The following ADAT1 variants were observed in gnomAD, a reference collection of about 807,000 sequenced individuals.
The protein encoded by ADAT1 is adenosine deaminase tRNA specific 1.
ADAT1 carries 58 observed loss-of-function variants against 58.6 expected under a neutral mutation model. The observed-to-expected ratio is 0.99, with a 90% CI of 0.80 to 1.23. ADAT1 has a LOEUF of 1.23. Among genes scored for constraint, ADAT1 ranks in the 50% most tolerant of loss-of-function variants. The pLI is 0.00. For missense variants in ADAT1, 741 were observed against 608.6 expected, an observed-to-expected ratio of 1.22 and a Z score of -2.29; for synonymous variants, 254 against 220.8, an observed-to-expected ratio of 1.15 and a Z score of -1.33.
intron 3 of ADAT1, chr16:75,619,515 CCTGT>C (rs1317770578): frequency 2.3e-6 from 1 of 426,742 alleles, no homozygotes. Flanking sequence ...TCAGTGAGAC[CCTGT>C]CTCTTAAAAA....
chr16:75,614,710 G>C (rs2081648795), intron 5 of ADAT1, among the ~76,000 whole-genome samples: 1 of 152,122 alleles, frequency 6.6e-6, no homozygotes, highest in Non-Finnish European at 1.5e-5. Flanking sequence ...ACTCATAAGA[G>C]CCTGAAGTAG....
intron 6 of ADAT1, among the ~76,000 whole-genome samples, chr16:75,611,493 C>T (rs80302582): frequency 0.025 from 3,876 of 152,070 alleles, 78 homozygotes; most frequent in Non-Finnish European, 0.037. Context: ...GTCAGGTGAT[C>T]CTCCTGCCTC....
chr16:75,606,149 T>A (rs1298930115), intron 8 of ADAT1, among the ~76,000 whole-genome samples: 3 of 151,728 alleles, frequency 2.0e-5, no homozygotes, highest in Non-Finnish European at 4.4e-5. Flanking sequence ...ATTATAGGAG[T>A]ACAATTATTA....
chr16:75,612,281 T>A lies in ADAT1; in HGVS notation c.1005A>T (p.Pro335=). ...CTCTCTGCATGGCTTCCTGGCTGTA[T>A]GGGCACTTCCCAATGACCACAGCTG... ...YLSAVVIGKC[P]YSQEAMQRAL... Residue 335 remains proline (P), a synonymous_variant, in exon 6 of 10, where the codon CCA becomes CCT. Transcript: ENST00000564657. 6.2e-7 allele frequency: 1 copy of A among 1,614,170 alleles called. No individual in the cohort carries two copies. The highest frequency in any genetic ancestry group is 8.5e-7 in the Non-Finnish European group (1 of 1,180,030).
intron 9 of ADAT1, among the ~76,000 whole-genome samples, chr16:75,601,447 AAAACAAAC>A (rs994301349): frequency 6.6e-6 from 1 of 152,000 alleles, no homozygotes; most frequent in African/African-American, 2.4e-5. Flanking sequence ...CCCTGTCTCA[AAAACAAAC>A]AAACAAACAA....
At chr16:75,616,742 G>A (rs2081738995) in intron 5 of ADAT1, among the ~76,000 whole-genome samples, 1 of 152,224 alleles carries the variant, frequency 6.6e-6, no homozygotes, top group South Asian at 2.1e-4. Context: ...TACTCAGTAT[G>A]TCATATCGTG....
At chr16:75,614,101 A>G (rs1285612067) in intron 5 of ADAT1, among the ~76,000 whole-genome samples, 1 of 152,126 alleles carries the variant, frequency 6.6e-6, no homozygotes, top group Non-Finnish European at 1.5e-5. Context: ...AAGGCAGAAC[A>G]ATCGCTTGAA....
intron 1 of ADAT1, among the ~76,000 whole-genome samples, chr16:75,621,570 A>T (rs2151789575): frequency 6.6e-6 from 1 of 152,314 alleles, no homozygotes; most frequent in African/African-American, 2.4e-5. Context: ...TAAATAAGTA[A>T]TACTTATAAA....
At chr16:75,609,055 G>A (rs773481802) in intron 6 of ADAT1, 67 bp from the exon 7 acceptor site, 4 of 1,579,580 alleles carry the variant, frequency 2.5e-6, no homozygotes, top group Non-Finnish European at 3.5e-6. Flanking sequence ...TAGGATTGTG[G>A]CTCACATCAT....
In ADAT1 at chr16:75,608,327, T is replaced by C. The variant is rs376026634; in HGVS notation, c.1190-4A>G. 8.1e-6 allele frequency: 13 copies of C among 1,612,344 alleles called. No homozygotes were observed. In the African/African-American group the frequency reaches 1.5e-4, roughly 18 times the overall value. ...GGAACTGCACTCCAGCTGATGGCTA[T>C]GAAAAGATAAGATTCTAGGGTTAAA... is the stretch of plus-strand genomic sequence containing the variant. On this transcript the variant is annotated splice_region_variant and splice_polypyrimidine_tract_variant and intron_variant, in intron 7 of 9. Coordinates refer to ENST00000564657, the MANE Select transcript of ADAT1 (RefSeq NM_001324445.2).
In ADAT1 at chr16:75,612,373, G is replaced by A. The variant is rs1223078140; in HGVS notation, c.913C>T (p.Arg305Ter). The change falls in exon 6 of 10, where the codon CGA becomes TGA. Residue 305 changes from arginine to a stop codon, truncating the protein, a stop_gained. Transcript: ENST00000564657. LOFTEE classifies it high-confidence loss of function. ...RSMSCSDKMA[R>*]WNVLGCQGAL... ...CCTTGGCATCCGAGGACGTTCCATCGGGCCATCTTGTCACTACAGGACATG... is the reference window on the plus strand; with the variant it reads ...CCTTGGCATCCGAGGACGTTCCATCAGGCCATCTTGTCACTACAGGACATG... 2.5e-6 allele frequency: 4 copies of A among 1,614,156 alleles called. No homozygotes were observed. Among genetic ancestry groups the A allele is most frequent in the Admixed American group, 1.7e-5 (1 of 60,014 alleles).
Position 75,599,987 on chromosome 16 carries a change from A to G in ADAT1, c.*229T>C, listed in dbSNP as rs183315164. ...TATTTTAGAGAAGCAATAAAACACA[A>G]TGGAAGTCAGATAGTGAGGTCATTA... On this transcript the variant is annotated 3_prime_UTR_variant, in exon 10 of 10. Coordinates refer to ENST00000564657, the MANE Select transcript of ADAT1 (RefSeq NM_001324445.2). 1 of 1,281,720 alleles carries G rather than the reference A, an allele frequency of 7.8e-7. No homozygotes were observed. The highest frequency in any genetic ancestry group is 3.1e-5 in the East Asian group (1 of 31,976). 79.4% of individuals were successfully genotyped at this position (1,281,720 alleles called of 1,614,324 possible).
intron 8 of ADAT1, among the ~76,000 whole-genome samples, chr16:75,607,442 C>G (rs1478194286): frequency 2.7e-5 from 4 of 148,398 alleles, no homozygotes; most frequent in Non-Finnish European, 5.9e-5. Flanking sequence ...GCGGAGGTTG[C>G]AGTGAGCCAA....
At position 75,599,416 on chromosome 16, in the gene ADAT1, G is replaced by T. The variant is rs1050624360; in HGVS notation, c.*800C>A. 18 of 985,612 alleles carry T rather than the reference G, an allele frequency of 1.8e-5. No homozygotes were observed. In the East Asian group the frequency reaches 1.2e-3, roughly 68 times the overall value. 61.1% of individuals were successfully genotyped at this position (985,612 alleles called of 1,614,324 possible). On this transcript the variant is annotated 3_prime_UTR_variant, in exon 10 of 10. Transcript: ENST00000564657. ...CTTTTTGGACAGAACTCTTTCAATT[G>T]TAAGTCAGAAAACCAACACAAACAG...
chr16:75,599,491 A>G lies in ADAT1; in HGVS notation c.*725T>C, dbSNP rs1453282960. On this transcript the variant is annotated 3_prime_UTR_variant, in exon 10 of 10. Transcript: ENST00000564657. Reference sequence around the variant, plus strand: ...TCTGTCTCACATAATTGAGACATCTAAACAGTGTTACTAGATCTTTGATTC... The same window carrying G: ...TCTGTCTCACATAATTGAGACATCTGAACAGTGTTACTAGATCTTTGATTC... 9.1e-6 allele frequency: 9 copies of G among 985,736 alleles called. No individual in the cohort carries two copies. Among genetic ancestry groups the G allele is most frequent in the Non-Finnish European group, 1.1e-5 (9 of 829,930 alleles). 61.1% of individuals were successfully genotyped at this position (985,736 alleles called of 1,614,324 possible). A position where few individuals can be genotyped will look rare whatever the true frequency, so the allele number is the denominator to read the frequency against.
rs1283812625 is a variant in ADAT1, at chr16:75,608,718, A to G, written c.1189+125T>C. ...CGTGACCCACTATGGGTGTCTCTAA[A>G]GCCCACACTACCGGCCACTAGAGTG... On this transcript the variant is annotated intron_variant, in intron 7 of 9. Coordinates refer to ENST00000564657, the MANE Select transcript of ADAT1 (RefSeq NM_001324445.2). The G allele has an allele frequency of 2.5e-6, 3 of 1,201,148 alleles. No homozygotes were observed. The African/African-American group carries it at 4.6e-5, about 18-fold the overall frequency. The allele number at this position is 1,201,148 out of a possible 1,614,324, so 74.4% of individuals were successfully genotyped here. A position where few individuals can be genotyped will look rare whatever the true frequency, so the allele number is the denominator to read the frequency against.
chr16:75,613,057 A>C (rs2151766915), intron 5 of ADAT1, among the ~76,000 whole-genome samples, 196 bp from the exon 6 acceptor site: 3 of 152,232 alleles, frequency 2.0e-5, no homozygotes, highest in Middle Eastern at 6.8e-3. Context: ...ATGCAAGCTC[A>C]AGTTTGAGAA....
chr16:75,603,197 G>A (rs1201246098), intron 8 of ADAT1, 26 bp from the exon 9 acceptor site: 2 of 1,588,826 alleles, frequency 1.3e-6, no homozygotes, highest in East Asian at 2.2e-5. Flanking sequence ...AGGCAAAGAT[G>A]ATTTATTAAG....
At position 75,612,752 on chromosome 16, in the gene ADAT1, T is replaced by C; in HGVS notation, c.534A>G (p.Glu178=). Residue 178 remains glutamate (E), a synonymous_variant, in exon 6 of 10, where the codon GAA becomes GAG. Transcript: ENST00000564657. ...CACATTTTCTTTCATTTCCAGGAGC[T>C]TCCAGGTTACTACTGGCTTCTACTG... ...NSSVEASSNL[E]APGNERKCED... is the part of the protein sequence containing the mutation. 2 of 1,614,078 alleles carry C rather than the reference T, an allele frequency of 1.2e-6. No homozygotes were observed. The highest frequency in any genetic ancestry group is 2.2e-5 in the South Asian group (2 of 91,076).
Sources: allele counts gnomAD v4.1 joint callset (sites outside exome capture counted in the v4.1 genomes callset), GRCh38; gene constraint gnomAD v4.1.1; transcripts MANE v1.5; gene names NCBI Gene and HGNC (gene_info 2026-07-23, HGNC 2026-07-21).